TM9SF3: variants seen among roughly 807,000 people sequenced by gnomAD.
TM9SF3 encodes transmembrane 9 superfamily member 3, also known as SM-11044-binding protein.
Under a neutral mutation model 78.6 loss-of-function variants are expected in TM9SF3, and 14 were observed. The observed-to-expected ratio is 0.18, with a 90% CI of 0.12 to 0.28. The LOEUF (loss-of-function observed/expected upper bound fraction) is 0.28. TM9SF3 is among the 10% of genes least tolerant of loss of function. TM9SF3 has a pLI of 1.00. For missense variants in TM9SF3, 496 were observed against 721.9 expected, an observed-to-expected ratio of 0.69 and a Z score of 3.59; for synonymous variants, 231 against 241.7, an observed-to-expected ratio of 0.96 and a Z score of 0.41.
intron 11 of TM9SF3, among the ~76,000 whole-genome samples, chr10:96,528,841 C>T (rs758149780): frequency 1.2e-4 from 18 of 152,206 alleles, no homozygotes; most frequent in Non-Finnish European, 2.2e-4. Context: ...CCAGTTCTTA[C>T]GTTATAAAGA....
intron 9 of TM9SF3, among the ~76,000 whole-genome samples, chr10:96,542,784 GA>G (rs542806620): frequency 2.0e-3 from 292 of 143,250 alleles, no homozygotes; most frequent in Admixed American, 3.9e-3. Flanking sequence ...ACTTTGGCTT[GA>G]AAAAAAAAAA....
intron 4 of TM9SF3, chr10:96,560,808 T>A (rs1324677383): frequency 1.8e-6 from 1 of 549,998 alleles, no homozygotes; most frequent in East Asian, 4.6e-5. Context: ...AACACTAAGA[T>A]CAAAAGGACA....
chr10:96,572,636 C>T (rs2134157731), intron 2 of TM9SF3, among the ~76,000 whole-genome samples: 1 of 151,610 alleles, frequency 6.6e-6, no homozygotes, highest in East Asian at 1.9e-4. Flanking sequence ...ACGCCATTCT[C>T]CTGCCTCAGC....
intron 4 of TM9SF3, 45 bp downstream of exon 4, chr10:96,561,933 G>A (rs769115476): frequency 6.0e-6 from 9 of 1,502,300 alleles, no homozygotes; most frequent in African/African-American, 1.4e-5. Flanking sequence ...TGTTGACATC[G>A]GGTCACAAAC....
At chr10:96,531,336 C>T (rs1283429193) in intron 10 of TM9SF3, among the ~76,000 whole-genome samples, 1 of 152,110 alleles carries the variant, frequency 6.6e-6, no homozygotes, top group East Asian at 1.9e-4. Context: ...ACCTCCACCA[C>T]AGTACTTACC....
intron 8 of TM9SF3, among the ~76,000 whole-genome samples, chr10:96,546,984 C>T (rs932745147): frequency 6.6e-6 from 1 of 152,156 alleles, no homozygotes; most frequent in African/African-American, 2.4e-5. Flanking sequence ...GCAGGGAATA[C>T]AAGGCATTTC....
chr10:96,535,881 A>G, intron 9 of TM9SF3, among the ~76,000 whole-genome samples: 1 of 152,240 alleles, frequency 6.6e-6, no homozygotes, highest in Non-Finnish European at 1.5e-5. Flanking sequence ...ACTGGCCTAC[A>G]GGCCAATATC....
At chr10:96,573,288 T>A (rs140150755) in intron 2 of TM9SF3, among the ~76,000 whole-genome samples, 156 of 152,322 alleles carry the variant, frequency 1.0e-3, no homozygotes, top group African/African-American at 3.6e-3. Flanking sequence ...GGGAATTGGA[T>A]GACACAATCT....
At chr10:96,544,620 G>A (rs17111953) in intron 8 of TM9SF3, among the ~76,000 whole-genome samples, 23,841 of 152,058 alleles carry the variant, frequency 0.16, 2,151 homozygotes, top group East Asian at 0.37. Flanking sequence ...CACTGGTGAA[G>A]AAAAATCCCA....
At position 96,552,959 on chromosome 10, in the gene TM9SF3, C is replaced by T. The variant is rs1848192066; in HGVS notation, c.761G>A (p.Arg254Gln). The change falls in exon 6 of 15, where the codon CGG becomes CAG. Residue 254 changes from arginine (R) to glutamine (Q), a missense_variant. This residue lies in a region of TM9SF3 where 280 missense variants were observed against 422.6 expected (regional missense o/e 0.66). Coordinates refer to ENST00000371142, the MANE Select transcript of TM9SF3 (RefSeq NM_020123.4). ...ATCCATTTCTTCCTCTTTACTGTAC[C>T]GAGCATAATCTTTTCTTAATGTTCT... ...LMRTLRKDYA[R>Q]YSKEEEMDDM... The T allele has an allele frequency of 6.3e-7, 1 of 1,597,320 alleles. No individual in the cohort carries two copies. The highest frequency in any genetic ancestry group is 8.5e-7 in the Non-Finnish European group (1 of 1,173,936).
rs1414266152 is a variant in TM9SF3, at chr10:96,563,053, G to GC, written c.422-916_422-915insG. Among the ~76,000 whole-genome samples the GC allele has an allele frequency of 3.2e-5, 3 of 94,710 alleles. No homozygotes were observed. In the Admixed American group the frequency reaches 4.1e-4, roughly 13 times the overall value. The allele number at this position is 94,710 out of a possible 152,430, so 62.1% of individuals were successfully genotyped here. ...TAGTTTTGTTTTGCTTGGGATTGTA[G>GC]GGGATAATGAAATCCTTCTTTTATC... On this transcript the variant is annotated intron_variant, in intron 3 of 14. Transcript: ENST00000371142.
At chr10:96,568,031 C>T (rs1848398785) in intron 2 of TM9SF3, among the ~76,000 whole-genome samples, 1 of 152,152 alleles carries the variant, frequency 6.6e-6, no homozygotes, top group Admixed American at 6.5e-5. Context: ...CATGTAAAGT[C>T]TAGAAACGAA....
At chr10:96,545,395 C>G (rs1848085231) in intron 8 of TM9SF3, among the ~76,000 whole-genome samples, 1 of 152,198 alleles carries the variant, frequency 6.6e-6, no homozygotes, top group South Asian at 2.1e-4. Flanking sequence ...CAGAAAAACT[C>G]CTTAATCCTG....
chr10:96,576,598 C>T (rs1470757694), intron 2 of TM9SF3, 36 bp downstream of exon 2: 3 of 1,519,836 alleles, frequency 2.0e-6, no homozygotes, highest in East Asian at 4.7e-5. Context: ...GTCTACAATC[C>T]AAATTGCATT....
At chr10:96,585,325 C>T (rs1389400689) in intron 1 of TM9SF3, among the ~76,000 whole-genome samples, 1 of 151,932 alleles carries the variant, frequency 6.6e-6, no homozygotes, top group East Asian at 1.9e-4. Context: ...ACTCAAAGAC[C>T]CAAATCTATA....
At chr10:96,522,884 A>G (rs965694142) in intron 14 of TM9SF3, among the ~76,000 whole-genome samples, 6 of 151,866 alleles carry the variant, frequency 4.0e-5, no homozygotes, top group Non-Finnish European at 5.9e-5. Context: ...TAGGGATGAC[A>G]TATTTGCGGG....
At chr10:96,541,508 C>T (rs1237802983) in intron 9 of TM9SF3, among the ~76,000 whole-genome samples, 11 of 152,078 alleles carry the variant, frequency 7.2e-5, no homozygotes, top group African/African-American at 1.2e-4. Flanking sequence ...CTCAGCCTCC[C>T]GAGTAGCTGG....
intron 14 of TM9SF3, among the ~76,000 whole-genome samples, chr10:96,523,167 AG>A (rs1203730639): frequency 1.3e-4 from 19 of 151,884 alleles, no homozygotes. Flanking sequence ...CAACCTACTA[AG>A]GGCTCTTTAG....
intron 2 of TM9SF3, among the ~76,000 whole-genome samples, chr10:96,572,887 G>A (rs1219626173): frequency 6.6e-6 from 1 of 152,104 alleles, no homozygotes; most frequent in East Asian, 1.9e-4. Context: ...GCAAGAAAAA[G>A]TTGTGTATAA....
Sources: allele counts gnomAD v4.1 joint callset (sites outside exome capture counted in the v4.1 genomes callset), GRCh38; gene constraint gnomAD v4.1.1; regional missense constraint gnomAD v4.1.1; transcripts MANE v1.5; gene names NCBI Gene and HGNC (gene_info 2026-07-23, HGNC 2026-07-21).